The following SYK variants were observed in gnomAD, a reference collection of about 807,000 sequenced individuals.
SYK encodes the protein tyrosine-protein kinase SYK.
SYK carries 16 observed loss-of-function variants against 77.8 expected under a neutral mutation model. The observed-to-expected ratio is 0.21, with a 90% CI of 0.14 to 0.31. The LOEUF (loss-of-function observed/expected upper bound fraction) is 0.31. Among genes scored for constraint, SYK ranks in the 10% least tolerant of loss-of-function variants. The probability of loss-of-function intolerance (pLI) is 1.00; values close to 1 mark genes in which losing one functional copy is unlikely to be tolerated. For missense variants in SYK, 529 were observed against 814.4 expected, an observed-to-expected ratio of 0.65 and a Z score of 4.26; for synonymous variants, 312 against 308.7, an observed-to-expected ratio of 1.01 and a Z score of -0.11.
At chr9:90,874,153 A>T in intron 7 of SYK, 51 bp from the exon 8 acceptor site, 1 of 1,380,072 alleles carries the variant, frequency 7.2e-7, no homozygotes, top group Non-Finnish European at 1.0e-6. Context: ...AGATCAACTT[A>T]ACAGTTTTGT....
intron 1 of SYK, among the ~76,000 whole-genome samples, chr9:90,805,149 G>A (rs1298640179): frequency 4.6e-5 from 7 of 152,188 alleles, no homozygotes; most frequent in Admixed American, 3.3e-4. Flanking sequence ...GGGACACCAC[G>A]TATTGATTTC....
intron 1 of SYK, among the ~76,000 whole-genome samples, chr9:90,803,520 A>G (rs1401491242): frequency 6.6e-6 from 1 of 152,154 alleles, no homozygotes; most frequent in Non-Finnish European, 1.5e-5. Flanking sequence ...CTGAGAGATG[A>G]AATTGGTAGA....
Position 90,895,214 on chromosome 9 carries a change from A to G in SYK, c.1836-314A>G, listed in dbSNP as rs1473402221. The stretch of plus-strand genomic sequence containing the variant: ...CACAGAAGCATATTGTGTGCCGCAT[A>G]TCTGAACCTGGGGCTAAAACACTCC... On this transcript the variant is annotated intron_variant, in intron 13 of 13. Coordinates refer to ENST00000375754, the MANE Select transcript of SYK (RefSeq NM_003177.7). The surrounding 1 kb of genome is among the most constrained non-coding windows in gnomAD (Gnocchi z 4.4). Among the ~76,000 whole-genome samples the G allele has an allele frequency of 6.6e-6, 1 of 152,256 alleles. No homozygotes were observed. Among genetic ancestry groups the G allele is most frequent in the Non-Finnish European group, 1.5e-5 (1 of 68,046 alleles).
intron 1 of SYK, among the ~76,000 whole-genome samples, chr9:90,803,989 C>T (rs1218558579): frequency 2.7e-5 from 4 of 150,850 alleles, no homozygotes; most frequent in Non-Finnish European, 5.9e-5. Flanking sequence ...CAGGTGTTAT[C>T]ACTACGAGAG....
rs759433574 is a variant in SYK at position 90,895,516 on chromosome 9, C to G, written c.1836-12C>G. On this transcript the variant is annotated splice_polypyrimidine_tract_variant and intron_variant, in intron 13 of 13. Transcript: ENST00000375754. This position sits in a 1 kb window ranked among gnomAD's most constrained non-coding sequence, Gnocchi z 4.4. The stretch of plus-strand genomic sequence containing the variant: ...CACATTGACAAACAAGAATGCATCT[C>G]TTCCATTCCAGTGTGGAAAACAGGC... The G allele has an allele frequency of 2.3e-5, 37 of 1,613,756 alleles. No homozygotes were observed. Among genetic ancestry groups the G allele is most frequent in the Non-Finnish European group, 3.1e-5 (36 of 1,179,912 alleles).
Position 90,877,631 on chromosome 9 carries a change from A to G in SYK, c.1242A>G (p.Lys414=). The G allele has an allele frequency of 6.2e-7, 1 of 1,614,286 alleles. No individual in the cohort carries two copies. The highest frequency in any genetic ancestry group is 8.5e-7 in the Non-Finnish European group (1 of 1,180,046). The change falls in exon 10 of 14, where the codon AAA becomes AAG. Residue 414 remains lysine, a synonymous_variant. Transcript: ENST00000375754. ...ACGAGGCCAATGACCCCGCTCTTAA[A>G]GATGAGTTATTAGCAGAAGCAAATG... ...LKNEANDPAL[K]DELLAEANVM... is the part of the protein sequence containing the mutation.
chr9:90,885,055 A>T (rs1828510131), intron 11 of SYK, among the ~76,000 whole-genome samples: 1 of 151,158 alleles, frequency 6.6e-6, no homozygotes, highest in African/African-American at 2.4e-5. Context: ...ATTTCAAAAA[A>T]CTGGAAGAAA....
In SYK at chr9:90,897,159, A is replaced by G. The variant is rs1829021582; in HGVS notation, c.*1559A>G. On this transcript the variant is annotated 3_prime_UTR_variant, in exon 14 of 14. Coordinates refer to ENST00000375754, the MANE Select transcript of SYK (RefSeq NM_003177.7). ...TTTTAAAGTGCATGGACAGCCATGG[A>G]CAGCAGGCCCTCCTCTAACAGGGGA... The G allele has an allele frequency of 4.3e-6, 1 of 231,348 alleles. No individual in the cohort carries two copies. Among genetic ancestry groups the G allele is most frequent in the Non-Finnish European group, 8.6e-6 (1 of 116,842 alleles). 14.3% of individuals were successfully genotyped at this position (231,348 alleles called of 1,614,324 possible). A position where few individuals can be genotyped will look rare whatever the true frequency, so the allele number is the denominator to read the frequency against.
At chr9:90,841,840 T>C (rs1826365795) in intron 1 of SYK, among the ~76,000 whole-genome samples, 1 of 149,602 alleles carries the variant, frequency 6.7e-6, no homozygotes, top group African/African-American at 2.5e-5. Context: ...AGTTTGTGTG[T>C]TGTGTGTGCA....
chr9:90,860,882 C>T (rs1827230193), intron 3 of SYK, among the ~76,000 whole-genome samples: 1 of 152,020 alleles, frequency 6.6e-6, no homozygotes, highest in Non-Finnish European at 1.5e-5. Flanking sequence ...CAGAAATTTC[C>T]CCAGTACCCA....
chr9:90,885,935 C>T (rs1828555798), intron 11 of SYK, among the ~76,000 whole-genome samples: 1 of 152,142 alleles, frequency 6.6e-6, no homozygotes, highest in Non-Finnish European at 1.5e-5. Context: ...TCCAGCAAAA[C>T]TATTCTTCAT....
intron 3 of SYK, among the ~76,000 whole-genome samples, chr9:90,856,926 C>G (rs1827058842): frequency 6.6e-6 from 1 of 152,208 alleles, no homozygotes. Flanking sequence ...TTCACAGGTC[C>G]TTGCTTTAAG....
At chr9:90,867,935 A>G (rs1205921689) in intron 7 of SYK, among the ~76,000 whole-genome samples, 2 of 152,204 alleles carry the variant, frequency 1.3e-5, no homozygotes, top group Admixed American at 6.5e-5. Context: ...TACTTTTATT[A>G]TCAGTGGGGT....
At chr9:90,890,557 C>G (rs951335501) in intron 13 of SYK, among the ~76,000 whole-genome samples, 1 of 152,232 alleles carries the variant, frequency 6.6e-6, no homozygotes, top group Admixed American at 6.5e-5. Flanking sequence ...GGTTCCCACC[C>G]CAGTCCGCTC....
intron 7 of SYK, among the ~76,000 whole-genome samples, chr9:90,872,223 A>G (rs1827757316): frequency 6.6e-6 from 1 of 152,226 alleles, no homozygotes; most frequent in Non-Finnish European, 1.5e-5. Context: ...TGTGAGGTAG[A>G]GAGGCTGCAA....
intron 10 of SYK, 140 bp downstream of exon 10, chr9:90,877,920 C>T (rs1828008778): frequency 1.3e-6 from 1 of 776,768 alleles, no homozygotes; most frequent in Admixed American, 2.8e-5. Flanking sequence ...TACTCAGGGA[C>T]CTTGACAGAG....
At position 90,845,430 on chromosome 9, in the gene SYK, G is replaced by A. The variant is rs199801736; in HGVS notation, c.418-4G>A. The stretch of plus-strand genomic sequence containing the variant: ...TTTACTCTGCTTTGCTCTCCATGTG[G>A]CAGGGTCAGGCTCTGGAGCAGGCCA... On this transcript the variant is annotated splice_polypyrimidine_tract_variant and splice_region_variant and intron_variant, in intron 2 of 13. Transcript: ENST00000375754. 1 of 1,612,472 alleles carries A rather than the reference G, an allele frequency of 6.2e-7. No individual in the cohort carries two copies. The highest frequency in any genetic ancestry group is 2.2e-5 in the East Asian group (1 of 44,842).
In SYK at chr9:90,860,661, G is replaced by T. The variant is rs562895617; in HGVS notation, c.579-1545G>T. Among the ~76,000 whole-genome samples, 20 of 152,244 alleles carry T rather than the reference G, an allele frequency of 1.3e-4. 1 individual carries two copies. In the East Asian group the frequency reaches 3.5e-3, roughly 26 times the overall value. The stretch of plus-strand genomic sequence containing the variant: ...CTGGCCAGCTGCCCTGAGCTGTGGG[G>T]TGCTGTGCATGGCCAAGCACCGCTA... On this transcript the variant is annotated intron_variant, in intron 3 of 13. Transcript: ENST00000375754.
intron 1 of SYK, among the ~76,000 whole-genome samples, chr9:90,843,168 C>T (rs1407597416): frequency 4.6e-5 from 7 of 152,090 alleles, no homozygotes; most frequent in Non-Finnish European, 5.9e-5. Context: ...GGGCCCCAGG[C>T]CTCGGGAGCC....
Sources: allele counts gnomAD v4.1 joint callset (sites outside exome capture counted in the v4.1 genomes callset), GRCh38; gene constraint gnomAD v4.1.1; non-coding constraint Gnocchi (gnomAD v3.1); transcripts MANE v1.5; gene names NCBI Gene and HGNC (gene_info 2026-07-23, HGNC 2026-07-21).